The following GRIN2A variants were observed in gnomAD, a reference collection of about 807,000 sequenced individuals.
The protein encoded by GRIN2A is glutamate receptor ionotropic, NMDA 2A.
GRIN2A carries 22 observed loss-of-function variants against 113.4 expected under a neutral mutation model. The ratio of observed to expected loss-of-function variants is 0.19; its 90% confidence interval spans 0.14 to 0.28. The LOEUF (loss-of-function observed/expected upper bound fraction) is 0.28, where lower values mean the gene tolerates loss of function less well. Among genes scored for constraint, GRIN2A ranks in the 10% least tolerant of loss-of-function variants. The pLI, the probability that GRIN2A is intolerant of heterozygous loss-of-function variation, is 1.00. For missense variants in GRIN2A, 1,502 were observed against 1,887.0 expected (o/e 0.80, Z 3.78); for synonymous variants, 827 against 738.4 (o/e 1.12, Z -1.94).
At chr16:9,771,235 G>A (rs1901255544) in intron 11 of GRIN2A, among the ~76,000 whole-genome samples, 1 of 145,042 alleles carries the variant, frequency 6.9e-6, no homozygotes, top group Admixed American at 6.9e-5. Context: ...TTAAAATACT[G>A]TGGAACTTTT....
chr16:10,008,697 G>C (rs891256961), intron 2 of GRIN2A, among the ~76,000 whole-genome samples: 4 of 152,208 alleles, frequency 2.6e-5, no homozygotes, highest in Non-Finnish European at 1.5e-5. Flanking sequence ...GTAATGTCAA[G>C]AGATTAGGAA....
At chr16:9,840,891 G>A (rs762873278) in intron 6 of GRIN2A, 45 bp downstream of exon 6, 2 of 1,606,776 alleles carry the variant, frequency 1.2e-6, no homozygotes, top group East Asian at 2.2e-5. Flanking sequence ...AGGACTGCAG[G>A]CCCTTTGTCT....
chr16:9,966,994 A>G lies in GRIN2A; in HGVS notation c.415-28443T>C, dbSNP rs2045567589. Among the ~76,000 whole-genome samples the G allele has an allele frequency of 2.0e-5, 3 of 152,212 alleles. No individual in the cohort carries two copies. The South Asian group carries it at 6.2e-4, about 32-fold the overall frequency. ...CTTCAGCCTTCAGCAGTAGTGAAAC[A>G]TGAGTCACTGTTAAGTTCTCACGAT... On this transcript the variant is annotated intron_variant, in intron 2 of 12. Coordinates refer to ENST00000330684, the MANE Select transcript of GRIN2A (RefSeq NM_001134407.3).
intron 2 of GRIN2A, among the ~76,000 whole-genome samples, chr16:10,050,572 A>AT (rs2047341637): frequency 6.6e-6 from 1 of 151,876 alleles, no homozygotes; most frequent in African/African-American, 2.4e-5. Flanking sequence ...TCAACCCCAG[A>AT]TGGGACCATC....
chr16:9,837,898 G>A (rs2042609266), intron 7 of GRIN2A, among the ~76,000 whole-genome samples: 1 of 152,174 alleles, frequency 6.6e-6, no homozygotes, highest in Admixed American at 6.5e-5. Flanking sequence ...AAAAATTGAA[G>A]CAACGAGTGC....
At chr16:9,950,332 C>A (rs1233573739) in intron 2 of GRIN2A, among the ~76,000 whole-genome samples, 1 of 152,080 alleles carries the variant, frequency 6.6e-6, no homozygotes, top group Non-Finnish European at 1.5e-5. Flanking sequence ...TATCTTTAGT[C>A]TTGCAGGTGG....
chr16:9,957,229 T>G (rs2045329837), intron 2 of GRIN2A, among the ~76,000 whole-genome samples: 4 of 152,206 alleles, frequency 2.6e-5, no homozygotes, highest in Admixed American at 1.3e-4. Flanking sequence ...GGGACCAGCC[T>G]GGCACTCATC....
intron 2 of GRIN2A, among the ~76,000 whole-genome samples, chr16:10,143,605 A>C (rs1293044490): frequency 6.6e-6 from 1 of 152,210 alleles, no homozygotes; most frequent in Non-Finnish European, 1.5e-5. Context: ...AAATGATATA[A>C]GTTCTGAGAT....
intron 2 of GRIN2A, among the ~76,000 whole-genome samples, chr16:10,047,610 C>A (rs1338722355): frequency 6.6e-6 from 1 of 152,182 alleles, no homozygotes; most frequent in Admixed American, 6.5e-5. Context: ...ATCTTCTTAC[C>A]ATTTCTGCAA....
At chr16:10,061,784 G>C (rs2047554707) in intron 2 of GRIN2A, among the ~76,000 whole-genome samples, 1 of 152,196 alleles carries the variant, frequency 6.6e-6, no homozygotes, top group Non-Finnish European at 1.5e-5. Context: ...GCCAGCTCCA[G>C]TAAATGTCAC....
At chr16:10,117,161 G>A (rs1481868191) in intron 2 of GRIN2A, among the ~76,000 whole-genome samples, 2 of 152,080 alleles carry the variant, frequency 1.3e-5, no homozygotes, top group African/African-American at 4.8e-5. Context: ...TTGCTGTTCT[G>A]CTGCCACACA....
chr16:9,799,559 T>C (rs1229877440), intron 10 of GRIN2A, among the ~76,000 whole-genome samples: 2 of 152,236 alleles, frequency 1.3e-5, no homozygotes, highest in African/African-American at 2.4e-5. Flanking sequence ...AAAGCAGCCA[T>C]AGAGAATGTG....
At chr16:9,809,076 G>A (rs981036542) in intron 10 of GRIN2A, among the ~76,000 whole-genome samples, 1 of 151,970 alleles carries the variant, frequency 6.6e-6, no homozygotes, top group Non-Finnish European at 1.5e-5. Context: ...CATAGAGTTT[G>A]ATAGCATTCC....
At chr16:9,991,396 C>T (rs944266718) in intron 2 of GRIN2A, among the ~76,000 whole-genome samples, 3 of 152,142 alleles carry the variant, frequency 2.0e-5, no homozygotes, top group African/African-American at 7.2e-5. Context: ...TTTCAAGTTG[C>T]AATCATGGTT....
intron 2 of GRIN2A, among the ~76,000 whole-genome samples, chr16:10,060,607 T>A (rs184098441): frequency 6.6e-6 from 1 of 152,374 alleles, no homozygotes; most frequent in Admixed American, 6.5e-5. Flanking sequence ...CTTCAATGTA[T>A]CATTTGTTCC....
At chr16:9,951,628 G>T (rs1214813941) in intron 2 of GRIN2A, among the ~76,000 whole-genome samples, 2 of 152,180 alleles carry the variant, frequency 1.3e-5, no homozygotes, top group African/African-American at 4.8e-5. Flanking sequence ...ATGGAATTAG[G>T]AGCATAAACA....
intron 3 of GRIN2A, among the ~76,000 whole-genome samples, chr16:9,913,865 G>C (rs1433287470): frequency 6.6e-6 from 1 of 152,016 alleles, no homozygotes; most frequent in Non-Finnish European, 1.5e-5. Context: ...ATAACGTTTG[G>C]GCTTGAAGTT....
chr16:9,892,852 T>C lies in GRIN2A; in HGVS notation c.1008-1752A>G, dbSNP rs1314433825. On this transcript the variant is annotated intron_variant, in intron 3 of 12. Coordinates refer to ENST00000330684, the MANE Select transcript of GRIN2A (RefSeq NM_001134407.3). ...CACAAGATACATCCAATATGGTGGATTGAAGCATTCAAAGACTTCCCCAGA... is the reference window on the plus strand; with the variant it reads ...CACAAGATACATCCAATATGGTGGACTGAAGCATTCAAAGACTTCCCCAGA... Among the ~76,000 whole-genome samples the C allele has an allele frequency of 4.0e-5, 6 of 151,466 alleles. No homozygotes were observed. In the South Asian group the frequency reaches 1.2e-3, roughly 32 times the overall value.
At chr16:10,104,392 G>C (rs191094274) in intron 2 of GRIN2A, among the ~76,000 whole-genome samples, 28 of 152,288 alleles carry the variant, frequency 1.8e-4, no homozygotes, top group African/African-American at 6.5e-4. Context: ...GAGGATGGTG[G>C]TGCCATGCCC....
Sources: gnomAD v4.1 joint callset for allele counts (sites outside exome capture counted in the v4.1 genomes callset) on GRCh38, gnomAD v4.1.1 for gene constraint, MANE v1.5 for transcripts, NCBI Gene and HGNC (gene_info 2026-07-23, HGNC 2026-07-21) for gene names.